PHTF2: variants seen among roughly 807,000 people sequenced by gnomAD.
The protein encoded by PHTF2 is putative homeodomain transcription factor 2, also known as protein PHTF2.
PHTF2 carries 60 observed loss-of-function variants against 101.2 expected under a neutral mutation model. That is an observed-to-expected ratio of 0.59 (90% CI 0.48 to 0.73). The LOEUF is 0.73. Among genes scored for constraint, PHTF2 ranks in the 30% least tolerant of loss-of-function variants. The pLI is 0.00. For synonymous variants in PHTF2, 311 were observed against 307.3 expected, an observed-to-expected ratio of 1.01 and a Z score of -0.13; for missense variants, 747 against 908.7, an observed-to-expected ratio of 0.82 and a Z score of 2.29.
At chr7:77,920,447 G>A in exon 10 of PHTF2, 1 of 1,612,932 alleles carries the variant, frequency 6.2e-7, no homozygotes, top group Non-Finnish European at 8.5e-7. Context: ...CAGGAACACT[G>A]AGGAATGGTC....
chr7:77,923,037 A>G (rs1277044520), intron 11 of PHTF2: 1 of 1,126,772 alleles, frequency 8.9e-7, no homozygotes, highest in Non-Finnish European at 1.1e-6. Flanking sequence ...TTTGCTTTTA[A>G]AGAAGAACAT....
rs1324059850 is a variant in PHTF2 at position 77,902,937 on chromosome 7, G to A, written c.445+1017G>A. On this transcript the variant is annotated intron_variant, in intron 7 of 19. Transcript: ENST00000416283. ...TGTTGTTATTAGAATGTGTGTATGT[G>A]TTTTCTGATTAAAGATATAATAATA... Among the ~76,000 whole-genome samples the A allele has an allele frequency of 2.6e-5, 4 of 151,984 alleles. No individual in the cohort carries two copies. In the East Asian group the frequency reaches 7.7e-4, roughly 29 times the overall value.
At chr7:77,868,605 C>T (rs1798267891) in intron 3 of PHTF2, among the ~76,000 whole-genome samples, 2 of 152,120 alleles carry the variant, frequency 1.3e-5, no homozygotes, top group African/African-American at 4.8e-5. Context: ...TTACTTAATT[C>T]TCATCTAAAC....
chr7:77,927,096 T>G (rs1322091139), intron 11 of PHTF2, among the ~76,000 whole-genome samples: 1 of 138,824 alleles, frequency 7.2e-6, no homozygotes, highest in African/African-American at 2.7e-5. Context: ...AGGTGGAGGT[T>G]GCAGTGAGCT....
intron 10 of PHTF2, 33 bp downstream of exon 9, chr7:77,920,498 T>C: frequency 6.6e-7 from 1 of 1,520,502 alleles, no homozygotes; most frequent in Non-Finnish European, 9.1e-7. Context: ...TTTGCCTATG[T>C]GATTTTATAT....
At chr7:77,930,119 A>G (rs933744714) in intron 12 of PHTF2, among the ~76,000 whole-genome samples, 4 of 151,902 alleles carry the variant, frequency 2.6e-5, no homozygotes, top group African/African-American at 4.8e-5. Flanking sequence ...ACACCCGGCT[A>G]ATTTTTATGT....
At chr7:77,819,687 C>T (rs554780130) in intron 1 of PHTF2, among the ~76,000 whole-genome samples, 1 of 152,236 alleles carries the variant, frequency 6.6e-6, no homozygotes, top group South Asian at 2.1e-4. Flanking sequence ...TATTAGCCTG[C>T]AGTTTTCTTC....
At chr7:77,891,283 T>A (rs1468704281) in intron 3 of PHTF2, among the ~76,000 whole-genome samples, 1 of 152,184 alleles carries the variant, frequency 6.6e-6, no homozygotes, top group Non-Finnish European at 1.5e-5. Context: ...TTCTGAATTA[T>A]TCTATTAGAG....
intron 11 of PHTF2, among the ~76,000 whole-genome samples, chr7:77,924,405 TGAA>T (rs1231069896): frequency 6.6e-6 from 1 of 152,112 alleles, no homozygotes; most frequent in Non-Finnish European, 1.5e-5. Context: ...AACAACTTCT[TGAA>T]GAAGTGGCTG....
At chr7:77,938,285 T>C (rs1211190598) in intron 13 of PHTF2, among the ~76,000 whole-genome samples, 3 of 152,246 alleles carry the variant, frequency 2.0e-5, no homozygotes, top group African/African-American at 7.2e-5. Flanking sequence ...ACTAGTAAAT[T>C]TGCATTCATA....
intron 1 of PHTF2, among the ~76,000 whole-genome samples, chr7:77,821,041 T>C (rs6966446): frequency 0.11 from 17,495 of 152,200 alleles, 1,521 homozygotes; most frequent in African/African-American, 0.24. Context: ...ATGAATTTAC[T>C]GAGTTTTTGC....
intron 16 of PHTF2, among the ~76,000 whole-genome samples, 178 bp from the exon 16 acceptor site, chr7:77,949,500 C>T (rs545934201): frequency 3.8e-4 from 58 of 151,964 alleles, no homozygotes; most frequent in Middle Eastern, 3.4e-3. Context: ...GGTAGAGGCC[C>T]CATGGATATT....
At chr7:77,903,515 C>A (rs1017369253) in intron 7 of PHTF2, among the ~76,000 whole-genome samples, 10 of 152,188 alleles carry the variant, frequency 6.6e-5, no homozygotes, top group Non-Finnish European at 1.2e-4. Flanking sequence ...TAAAAGTTCA[C>A]TGACATTGTA....
At chr7:77,951,565 T>G in intron 17 of PHTF2, 52 bp from the exon 17 acceptor site, 1 of 789,500 alleles carries the variant, frequency 1.3e-6, no homozygotes, top group East Asian at 2.8e-5. Context: ...TCAAGTCCTT[T>G]AAAAATGTGT....
chr7:77,954,637 T>TATATATATAG (rs1554397991), intron 19 of PHTF2, among the ~76,000 whole-genome samples: 34 of 144,596 alleles, frequency 2.4e-4, no homozygotes, highest in Admixed American at 4.1e-4. Context: ...TATATATATA[T>TATATATATAG]ATATATATAG....
intron 3 of PHTF2, among the ~76,000 whole-genome samples, chr7:77,864,489 C>G (rs541130977): frequency 6.6e-6 from 1 of 152,328 alleles, no homozygotes; most frequent in South Asian, 2.1e-4. Flanking sequence ...GCTTTGTAGC[C>G]TCATTGCCTA....
intron 3 of PHTF2, among the ~76,000 whole-genome samples, chr7:77,875,869 T>C (rs751902508): frequency 2.9e-4 from 44 of 152,188 alleles, no homozygotes; most frequent in Non-Finnish European, 3.5e-4. Context: ...TAACAGGTAA[T>C]ATTTATTGAA....
At chr7:77,858,587 T>G (rs1432929513) in intron 3 of PHTF2, among the ~76,000 whole-genome samples, 1 of 152,130 alleles carries the variant, frequency 6.6e-6, no homozygotes, top group Non-Finnish European at 1.5e-5. Context: ...TGAGAGGTTT[T>G]TTTTGTTTGT....
intron 2 of PHTF2, among the ~76,000 whole-genome samples, chr7:77,845,262 A>C (rs1381314579): frequency 6.6e-6 from 1 of 152,160 alleles, no homozygotes; most frequent in African/African-American, 2.4e-5. Flanking sequence ...TTATGAGAGA[A>C]TGAGGTTCTA....
Sources: gnomAD v4.1 joint callset for allele counts (sites outside exome capture counted in the v4.1 genomes callset) on GRCh38, gnomAD v4.1.1 for gene constraint, MANE v1.5 for transcripts, NCBI Gene and HGNC (gene_info 2026-07-23, HGNC 2026-07-21) for gene names.